GLT8D2: variants seen among roughly 807,000 people sequenced by gnomAD.
GLT8D2 encodes glycosyltransferase 8 domain-containing protein 2.
Under a neutral mutation model 44.5 loss-of-function variants are expected in GLT8D2, and 45 were observed. That is an observed-to-expected ratio of 1.01 (90% CI 0.80 to 1.30). The LOEUF (loss-of-function observed/expected upper bound fraction) is 1.30, where lower values mean the gene tolerates loss of function less well. GLT8D2 is among the 50% of genes most tolerant of loss of function. GLT8D2 has a pLI of 0.00. For missense variants in GLT8D2, 400 were observed against 430.4 expected (o/e 0.93, Z 0.62); for synonymous variants, 156 against 157.2 (o/e 0.99, Z 0.06).
At position 104,057,758 on chromosome 12, in the gene GLT8D2, AT is replaced by A. The variant is rs1242102835; in HGVS notation, c.-423+6190del. ...CATATCATGTTTACAGAACAGTGTT[AT>A]CATGCAAAGTGAAGACTGCCTGTAC... On this transcript the variant is annotated intron_variant, in intron 1 of 10. Coordinates refer to the GLT8D2 transcript ENST00000548660. Among the ~76,000 whole-genome samples, 22 of 152,324 alleles carry A rather than the reference AT, an allele frequency of 1.4e-4. 1 individual carries two copies. The East Asian group carries it at 4.2e-3, about 29-fold the overall frequency.
upstream of GLT8D2, among the ~76,000 whole-genome samples, chr12:104,051,455 T>G (rs1881720700): frequency 6.6e-6 from 1 of 152,230 alleles, no homozygotes; most frequent in Non-Finnish European, 1.5e-5. Flanking sequence ...GTCTTTAAAT[T>G]TAATTTGTTT....
chr12:104,064,421 C>T, upstream of GLT8D2: 1 of 764,120 alleles, frequency 1.3e-6, no homozygotes, highest in South Asian at 2.8e-5. This position sits in a 1 kb window ranked among gnomAD's most constrained non-coding sequence, Gnocchi z 7.3. Context: ...TCTCCACTGC[C>T]CGCGGGCCTC....
chr12:104,047,156 C>T (rs1241270109), intron 1 of GLT8D2, among the ~76,000 whole-genome samples: 1 of 152,000 alleles, frequency 6.6e-6, no homozygotes, highest in Non-Finnish European at 1.5e-5. Flanking sequence ...AACAACAAAA[C>T]TTTATTTCTT....
chr12:104,051,721 C>G (rs1881745698), upstream of GLT8D2, among the ~76,000 whole-genome samples: 1 of 152,024 alleles, frequency 6.6e-6, no homozygotes, highest in South Asian at 2.1e-4. Context: ...CTCTCCCTAT[C>G]TCTCCCTTCC....
chr12:104,043,461 C>T (rs541987911), intron 1 of GLT8D2, among the ~76,000 whole-genome samples: 20 of 152,122 alleles, frequency 1.3e-4, no homozygotes, highest in African/African-American at 4.8e-4. Flanking sequence ...CGGGTGACTC[C>T]ATTTAGTTTT....
At chr12:103,991,131 G>A (rs1009202283) in intron 10 of GLT8D2, among the ~76,000 whole-genome samples, 1 of 152,086 alleles carries the variant, frequency 6.6e-6, no homozygotes, top group Non-Finnish European at 1.5e-5. Flanking sequence ...AAAGAAAAAC[G>A]ACATCTTTCC....
intron 3 of GLT8D2, among the ~76,000 whole-genome samples, chr12:104,016,725 A>AAGAG (rs1876711214): frequency 1.6e-5 from 1 of 64,228 alleles, no homozygotes; most frequent in Non-Finnish European, 3.2e-5. Context: ...GAAAGAAAGA[A>AAGAG]AGAAAGAAAG....
At chr12:104,008,596 C>A (rs1692754329) in intron 4 of GLT8D2, among the ~76,000 whole-genome samples, 1 of 152,216 alleles carries the variant, frequency 6.6e-6, no homozygotes, top group Non-Finnish European at 1.5e-5. Context: ...AAGCTGGCTG[C>A]AGAAATTTGC....
intron 10 of GLT8D2, among the ~76,000 whole-genome samples, chr12:103,990,418 TC>T (rs1872615303): frequency 6.6e-6 from 1 of 152,096 alleles, no homozygotes; most frequent in Non-Finnish European, 1.5e-5. Flanking sequence ...AGTCATGACT[TC>T]GAGAGACTAT....
chr12:104,021,928 A>G (rs1272079256), intron 1 of GLT8D2, among the ~76,000 whole-genome samples: 2 of 21,548 alleles, frequency 9.3e-5, no homozygotes, highest in East Asian at 6.5e-3. Flanking sequence ...GAAGAAGAAG[A>G]AGAAGAAGAA....
intron 4 of GLT8D2, 87 bp from the exon 5 acceptor site, chr12:104,003,393 G>T (rs1874518118): frequency 1.7e-6 from 2 of 1,150,780 alleles, no homozygotes; most frequent in African/African-American, 1.5e-5. Flanking sequence ...CCTGGGGGAA[G>T]ATGGCATAGT....
intron 10 of GLT8D2, among the ~76,000 whole-genome samples, chr12:103,992,613 C>T (rs1041733422): frequency 6.6e-6 from 1 of 151,900 alleles, no homozygotes; most frequent in African/African-American, 2.4e-5. Flanking sequence ...CTGCCTCAGC[C>T]TCCCGAGTAG....
At chr12:104,043,204 C>G (rs958836796) in intron 1 of GLT8D2, among the ~76,000 whole-genome samples, 6 of 152,132 alleles carry the variant, frequency 3.9e-5, no homozygotes, top group African/African-American at 1.4e-4. Flanking sequence ...GTTGGAACAC[C>G]TTAGCGATTT....
chr12:104,064,376 G>C, upstream of GLT8D2: 1 of 497,874 alleles, frequency 2.0e-6, no homozygotes. This position sits in a 1 kb window ranked among gnomAD's most constrained non-coding sequence, Gnocchi z 7.3. Flanking sequence ...GGTGGGGGCG[G>C]GGCTCCCCTG....
At chr12:104,005,638 A>G (rs1397078156) in intron 4 of GLT8D2, among the ~76,000 whole-genome samples, 2 of 152,260 alleles carry the variant, frequency 1.3e-5, no homozygotes, top group African/African-American at 4.8e-5. Context: ...AAAAATGCTC[A>G]CCATCACTGG....
intron 1 of GLT8D2, chr12:104,031,674 A>T (rs549975501): frequency 9.9e-6 from 7 of 706,922 alleles, no homozygotes; most frequent in Non-Finnish European, 1.4e-5. Flanking sequence ...GATGGGGACC[A>T]GTGGCTCCCA....
chr12:104,033,074 G>T (rs1316075509), intron 1 of GLT8D2, among the ~76,000 whole-genome samples: 1 of 151,988 alleles, frequency 6.6e-6, no homozygotes, highest in Non-Finnish European at 1.5e-5. Flanking sequence ...TAGAGACAGG[G>T]TTTCACCATG....
intron 5 of GLT8D2, among the ~76,000 whole-genome samples, chr12:104,001,345 A>G (rs1412679066): frequency 4.6e-5 from 7 of 152,218 alleles, no homozygotes; most frequent in African/African-American, 1.7e-4. Flanking sequence ...GCATTGTTGT[A>G]CACGTATTTT....
At chr12:104,016,152 G>A (rs1013829216) in intron 3 of GLT8D2, among the ~76,000 whole-genome samples, 6 of 152,220 alleles carry the variant, frequency 3.9e-5, no homozygotes, top group African/African-American at 9.6e-5. Flanking sequence ...CATCCTTGTC[G>A]TGTTCCAGAT....
Sources: allele counts gnomAD v4.1 joint callset (sites outside exome capture counted in the v4.1 genomes callset), GRCh38; gene constraint gnomAD v4.1.1; non-coding constraint Gnocchi (gnomAD v3.1); transcripts MANE v1.5; gene names NCBI Gene and HGNC (gene_info 2026-07-23, HGNC 2026-07-21).